The following PCDHB7 variants were observed in gnomAD, a reference collection of about 807,000 sequenced individuals.
The protein encoded by PCDHB7 is protocadherin beta 7.
For missense variants in PCDHB7, 1,148 were observed against 1,011.6 expected (o/e 1.13, Z -1.83); for synonymous variants, 542 against 463.1 (o/e 1.17, Z -2.19).
In PCDHB7 at chr5:141,172,870, G is replaced by A. The variant is rs373515632; in HGVS notation, c.35G>A (p.Arg12Lys). The A allele has an allele frequency of 1.2e-5, 20 of 1,614,180 alleles. No homozygotes were observed. In the African/African-American group the frequency reaches 1.9e-4, roughly 15 times the overall value. ...EARVERAVQK[R>K]QVLFLCVFLG... ...AGAGTGGAGCGTGCTGTGCAGAAAA[G>A]GCAAGTCTTATTTCTTTGTGTATTT... The change falls in exon 1 of 1, where the codon AGG (arginine) becomes AAG (lysine). Residue 12 changes from arginine to lysine, a missense_variant. Arg to Lys is a conservative substitution (Grantham distance 26). Coordinates refer to ENST00000231137, the MANE Select transcript of PCDHB7 (RefSeq NM_018940.4).
rs530008654 is a variant in PCDHB7, at chr5:141,174,757, T to A, written c.1922T>A (p.Val641Glu). Residue 641 changes from valine to glutamate, a missense_variant, in exon 1 of 1, where the codon GTG becomes GAG. Coordinates refer to ENST00000231137, the MANE Select transcript of PCDHB7 (RefSeq NM_018940.4). ...CGCGACGCAGCCAAGCAGAGGCTGG[T>A]GGTGCTGGTCAAGGACAATGGCGAG... is the stretch of plus-strand genomic sequence containing the variant. ...SERDAAKQRLVVLVKDNGEPP... is the reference protein window; with the variant it reads ...SERDAAKQRLEVLVKDNGEPP... 1.9e-6 allele frequency: 3 copies of A among 1,610,824 alleles called. No homozygotes were observed. In the African/African-American group the frequency reaches 4.0e-5, roughly 21 times the overall value.
rs1191643018 is a variant in PCDHB7, at chr5:141,174,286, C to A, written c.1451C>A (p.Ala484Asp). The A allele has an allele frequency of 7.4e-6, 12 of 1,612,480 alleles. No homozygotes were observed. Among genetic ancestry groups the A allele is most frequent in the Non-Finnish European group, 9.3e-6 (11 of 1,179,610 alleles). ...ACAGACAGAGACTCGGGCACCAACG[C>A]CCAGGTCATCTACTCCCTGCTGCCG... ...SATDRDSGTNAQVIYSLLPSQ... is the reference protein window; with the variant it reads ...SATDRDSGTNDQVIYSLLPSQ... Residue 484 changes from alanine to aspartate, a missense_variant, in exon 1 of 1, where the codon GCC (alanine) becomes GAC (aspartate). Transcript: ENST00000231137.
Position 141,174,478 on chromosome 5 carries a change from G to T in PCDHB7, c.1643G>T (p.Arg548Leu), listed in dbSNP as rs781949216. The T allele has an allele frequency of 1.3e-5, 21 of 1,611,088 alleles. No individual in the cohort carries two copies. In the East Asian group the frequency reaches 4.2e-4, roughly 32 times the overall value. The change falls in exon 1 of 1, where the codon CGC becomes CTC. Residue 548 changes from arginine to leucine, a missense_variant. Transcript: ENST00000231137. ...GCGCTGAGCAGCGAGGCGCTGGTGC[G>T]CGTGCTGGTGCTGGACGCCAACGAC... ...SPALSSEALV[R>L]VLVLDANDNS... is the part of the protein sequence containing the mutation.
In PCDHB7 at chr5:141,174,344, G is replaced by A; in HGVS notation, c.1509G>A (p.Leu503=). ...SQDPHLPLAS[L]VSINADNGHL... ...ACCCGCACCTGCCCCTCGCCTCCCT[G>A]GTCTCCATCAACGCGGACAACGGCC... Residue 503 remains leucine, a synonymous_variant, in exon 1 of 1, where the codon CTG becomes CTA. Transcript: ENST00000231137. 6.2e-7 allele frequency: 1 copy of A among 1,612,900 alleles called. No individual in the cohort carries two copies. The highest frequency in any genetic ancestry group is 8.5e-7 in the Non-Finnish European group (1 of 1,179,896).
chr5:141,174,561 T>C lies in PCDHB7; in HGVS notation c.1726T>C (p.Leu576=), dbSNP rs13174866. The change falls in exon 1 of 1, where the codon TTG becomes CTG. Residue 576 remains leucine, a synonymous_variant. Transcript: ENST00000231137. ...QNSSAPCTEP[L]PRAAEPGYLV... ...CAGCTCCGCGCCCTGCACCGAGCCG[T>C]TGCCCCGGGCGGCCGAGCCGGGCTA... is the stretch of plus-strand genomic sequence containing the variant. 6 of 1,482,302 alleles carry C rather than the reference T, an allele frequency of 4.0e-6. No individual in the cohort carries two copies. Among genetic ancestry groups the C allele is most frequent in the South Asian group, 1.2e-5 (1 of 81,022 alleles). The allele number at this position is 1,482,302 out of a possible 1,614,324, so 91.8% of individuals were successfully genotyped here. A position where few individuals can be genotyped will look rare whatever the true frequency, so the allele number is the denominator to read the frequency against.
At position 141,173,837 on chromosome 5, in the gene PCDHB7, G is replaced by T; in HGVS notation, c.1002G>T (p.Val334=). The change falls in exon 1 of 1, where the codon GTG becomes GTT. Residue 334 remains valine (V), a synonymous_variant. Coordinates refer to ENST00000231137, the MANE Select transcript of PCDHB7 (RefSeq NM_018940.4). ...GGCTTTCTGGAAAATGCACTGTAGTGGTTGATGTAACAGATATAAACGATA... is the reference window on the plus strand; with the variant it reads ...GGCTTTCTGGAAAATGCACTGTAGTTGTTGATGTAACAGATATAAACGATA... ...GGGLSGKCTV[V]VDVTDINDNR... The T allele has an allele frequency of 6.2e-7, 1 of 1,614,176 alleles. No individual in the cohort carries two copies. Among genetic ancestry groups the T allele is most frequent in the Non-Finnish European group, 8.5e-7 (1 of 1,180,034 alleles).
Position 141,173,410 on chromosome 5 carries a change from C to T in PCDHB7, c.575C>T (p.Pro192Leu). The T allele has an allele frequency of 6.2e-7, 1 of 1,614,104 alleles. No individual in the cohort carries two copies. Among genetic ancestry groups the T allele is most frequent in the Non-Finnish European group, 8.5e-7 (1 of 1,180,006 alleles). Residue 192 changes from proline (P) to leucine (L), a missense_variant, in exon 1 of 1, where the codon CCC (proline) becomes CTC (leucine). Transcript: ENST00000231137. ...GATAGCGGGGAGGGGAATATCTATC[C>T]CGAATTGGTGCTGAATCAAGTGCTG... ...VHDSGEGNIY[P>L]ELVLNQVLDR...
chr5:141,174,285 G>C lies in PCDHB7; in HGVS notation c.1450G>C (p.Ala484Pro), dbSNP rs200942040. 8.1e-6 allele frequency: 13 copies of C among 1,612,296 alleles called. No homozygotes were observed. In the South Asian group the frequency reaches 1.3e-4, roughly 16 times the overall value. The change falls in exon 1 of 1, where the codon GCC becomes CCC. Residue 484 changes from alanine (A) to proline (P), a missense_variant. Physicochemically the swap from Ala to Pro is conservative, Grantham distance 27 (BLOSUM62 -1). Transcript: ENST00000231137. ...SATDRDSGTN[A>P]QVIYSLLPSQ... ...CACAGACAGAGACTCGGGCACCAAC[G>C]CCCAGGTCATCTACTCCCTGCTGCC...
chr5:141,174,246 G>C lies in PCDHB7; in HGVS notation c.1411G>C (p.Gly471Arg), dbSNP rs71583630. 3.8e-3 allele frequency: 6,079 copies of C among 1,612,746 alleles called. 30 individuals carry two copies. Among genetic ancestry groups the C allele is most frequent in the Middle Eastern group, 0.011 (58 of 5,216 alleles). Reference sequence around the variant, plus strand: ...GAACAACAGCCCCGCCCTGCCCATCGGCAGTGTCAGCGCCACAGACAGAGA... The same window carrying C: ...GAACAACAGCCCCGCCCTGCCCATCCGCAGTGTCAGCGCCACAGACAGAGA... ...RENNSPALPI[G>R]SVSATDRDSG... Residue 471 changes from glycine to arginine, a missense_variant, in exon 1 of 1, where the codon GGC (glycine) becomes CGC (arginine). By Grantham distance (125) the Gly-to-Arg change is moderately radical. Transcript: ENST00000231137.
At position 141,174,728 on chromosome 5, in the gene PCDHB7, C is replaced by A. The variant is rs781839893; in HGVS notation, c.1893C>A (p.Ser631Arg). Residue 631 changes from serine (S) to arginine (R), a missense_variant, in exon 1 of 1, where the codon AGC becomes AGA. Transcript: ENST00000231137. Reference protein sequence around the residue: ...NGEVRTARLLSERDAAKQRLV... With the variant: ...NGEVRTARLLRERDAAKQRLV... ...AGGTGCGTACCGCCAGGCTGCTGAGCGAGCGCGACGCAGCCAAGCAGAGGC... is the reference window on the plus strand; with the variant it reads ...AGGTGCGTACCGCCAGGCTGCTGAGAGAGCGCGACGCAGCCAAGCAGAGGC... 6.8e-6 allele frequency: 11 copies of A among 1,610,940 alleles called. No homozygotes were observed. Among genetic ancestry groups the A allele is most frequent in the Non-Finnish European group, 9.3e-6 (11 of 1,179,748 alleles).
In PCDHB7 at chr5:141,173,368, T is replaced by G. The variant is rs782611569; in HGVS notation, c.533T>G (p.Phe178Cys). 6.2e-7 allele frequency: 1 copy of G among 1,613,882 alleles called. No homozygotes were observed. Reference protein sequence around the residue: ...SNYTISPNAYFHINVHDSGEG... With the variant: ...SNYTISPNAYCHINVHDSGEG... ...TACACCATCAGCCCCAATGCCTATT[T>G]CCATATTAATGTCCATGATAGCGGG... The change falls in exon 1 of 1, where the codon TTC becomes TGC. Residue 178 changes from phenylalanine (F) to cysteine (C), a missense_variant. By Grantham distance (205) the Phe-to-Cys change is radical (BLOSUM62 -2). Coordinates refer to ENST00000231137, the MANE Select transcript of PCDHB7 (RefSeq NM_018940.4).
Position 141,173,427 on chromosome 5 carries a change from C to A in PCDHB7, c.592C>A (p.Gln198Lys). Residue 198 changes from glutamine to lysine, a missense_variant, in exon 1 of 1, where the codon CAA becomes AAA. Physicochemically the swap from Gln to Lys is moderately conservative, Grantham distance 53. Coordinates refer to ENST00000231137, the MANE Select transcript of PCDHB7 (RefSeq NM_018940.4). ...TATCTATCCCGAATTGGTGCTGAAT[C>A]AAGTGCTGGATCGGGAAGAGATACC... ...GNIYPELVLN[Q>K]VLDREEIPEF... is the part of the protein sequence containing the mutation. The A allele has an allele frequency of 6.2e-7, 1 of 1,614,168 alleles. No individual in the cohort carries two copies. Among genetic ancestry groups the A allele is most frequent in the Non-Finnish European group, 8.5e-7 (1 of 1,180,032 alleles).
Position 141,175,076 on chromosome 5 carries a change from C to T in PCDHB7, c.2241C>T (p.Tyr747=). ...LSGTGTLSQS[Y]QYEVCLTGGS... ...GCACCGGGACCCTATCCCAGAGCTA[C>T]CAGTATGAGGTGTGCCTGACTGGAG... The change falls in exon 1 of 1, where the codon TAC becomes TAT. Residue 747 remains tyrosine, a synonymous_variant. Coordinates refer to ENST00000231137, the MANE Select transcript of PCDHB7 (RefSeq NM_018940.4). The T allele has an allele frequency of 2.5e-6, 4 of 1,614,226 alleles. No individual in the cohort carries two copies. Among genetic ancestry groups the T allele is most frequent in the Non-Finnish European group, 3.4e-6 (4 of 1,180,046 alleles).
Position 141,173,620 on chromosome 5 carries a change from T to C in PCDHB7, c.785T>C (p.Val262Ala). ...AATAGCCCCGTTGGTTCCATGGTTGTCTCCGTGTCAGCCAGAGATTTAGAT... is the reference window on the plus strand; with the variant it reads ...AATAGCCCCGTTGGTTCCATGGTTGCCTCCGTGTCAGCCAGAGATTTAGAT... ...PENSPVGSMV[V>A]SVSARDLDTG... The change falls in exon 1 of 1, where the codon GTC (valine) becomes GCC (alanine). Residue 262 changes from valine to alanine, a missense_variant. Physicochemically the swap from Val to Ala is moderately conservative, Grantham distance 64. Transcript: ENST00000231137. 6.2e-7 allele frequency: 1 copy of C among 1,614,174 alleles called. No individual in the cohort carries two copies. The highest frequency in any genetic ancestry group is 8.5e-7 in the Non-Finnish European group (1 of 1,180,032).
In PCDHB7 at chr5:141,174,082, A is replaced by C. The variant is rs112225937; in HGVS notation, c.1247A>C (p.Glu416Ala). The C allele has an allele frequency of 5.7e-4, 916 of 1,614,060 alleles. No individual in the cohort carries two copies. The highest frequency in any genetic ancestry group is 7.4e-4 in the Non-Finnish European group (878 of 1,180,054). The change falls in exon 1 of 1, where the codon GAG becomes GCG. Residue 416 changes from glutamate (E) to alanine (A), a missense_variant. By Grantham distance (107) the Glu-to-Ala change is moderately radical. Coordinates refer to ENST00000231137, the MANE Select transcript of PCDHB7 (RefSeq NM_018940.4). ...CCTTTGGATCGAGAGAGGAACACTG[A>C]GTACAACATCACCATCACCGTCACC... is the stretch of plus-strand genomic sequence containing the variant. Reference protein sequence around the residue: ...EKPLDRERNTEYNITITVTDL... With the variant: ...EKPLDRERNTAYNITITVTDL...
At position 141,173,199 on chromosome 5, in the gene PCDHB7, T is replaced by C. The variant is rs535184133; in HGVS notation, c.364T>C (p.Trp122Arg). 1.9e-6 allele frequency: 3 copies of C among 1,614,036 alleles called. No individual in the cohort carries two copies. Among genetic ancestry groups the C allele is most frequent in the Middle Eastern group, 1.7e-4 (1 of 6,060 alleles). ...TTTTCAGATTTTCCGTGCTGAACTA[T>C]GGGTCAGAGACATCAATGATCACGC... ...KPFQIFRAEL[W>R]VRDINDHAPV... The change falls in exon 1 of 1, where the codon TGG becomes CGG. Residue 122 changes from tryptophan (W) to arginine (R), a missense_variant. Coordinates refer to ENST00000231137, the MANE Select transcript of PCDHB7 (RefSeq NM_018940.4).
Position 141,175,156 on chromosome 5 carries a change from C to A in PCDHB7, c.2321C>A (p.Pro774His). 6.2e-7 allele frequency: 1 copy of A among 1,614,034 alleles called. No individual in the cohort carries two copies. Residue 774 changes from proline to histidine, a missense_variant, in exon 1 of 1, where the codon CCC becomes CAC. Pro to His is a moderately conservative substitution (Grantham distance 77). Transcript: ENST00000231137. ...FLKPIIPNLL[P>H]QSTGREVEEN... ...AAACCAATTATCCCCAACCTGCTAC[C>A]CCAGAGCACAGGCAGGGAAGTGGAA... is the stretch of plus-strand genomic sequence containing the variant.
At position 141,173,678 on chromosome 5, in the gene PCDHB7, T is replaced by G. The variant is rs1554280043; in HGVS notation, c.843T>G (p.Phe281Leu). 1.2e-6 allele frequency: 2 copies of G among 1,614,202 alleles called. No individual in the cohort carries two copies. Among genetic ancestry groups the G allele is most frequent in the Non-Finnish European group, 1.7e-6 (2 of 1,180,034 alleles). ...TGSNGEIAYA[F>L]SYATERILKT... ...GTAATGGGGAAATAGCCTATGCATT[T>G]TCTTACGCCACTGAAAGAATTCTCA... The change falls in exon 1 of 1, where the codon TTT becomes TTG. Residue 281 changes from phenylalanine (F) to leucine (L), a missense_variant. Transcript: ENST00000231137.
In PCDHB7 at chr5:141,175,029, C is replaced by G. The variant is rs782652788; in HGVS notation, c.2194C>G (p.Arg732Gly). Reference sequence around the variant, plus strand: ...CTCGGTGCCTGAGGGCCCCTTTCCACGACATCTGGTGGACTTGAGCGGCAC... The same window carrying G: ...CTCGGTGCCTGAGGGCCCCTTTCCAGGACATCTGGTGGACTTGAGCGGCAC... ...RCSVPEGPFP[R>G]HLVDLSGTGT... The change falls in exon 1 of 1, where the codon CGA becomes GGA. Residue 732 changes from arginine to glycine, a missense_variant. By Grantham distance (125) the Arg-to-Gly change is moderately radical. Transcript: ENST00000231137. 13 of 1,613,966 alleles carry G rather than the reference C, an allele frequency of 8.1e-6. No homozygotes were observed. The highest frequency in any genetic ancestry group is 1.6e-4 in the Middle Eastern group (1 of 6,072).
Sources: gnomAD v4.1 joint callset for allele counts on GRCh38, gnomAD v4.1.1 for gene constraint, MANE v1.5 for transcripts, NCBI Gene and HGNC (gene_info 2026-07-23, HGNC 2026-07-21) for gene names.